RGS12: variants seen among roughly 807,000 people sequenced by gnomAD.
The protein encoded by RGS12 is regulator of G protein signaling 12.
In RGS12, 66 loss-of-function variants were observed where a neutral mutation model predicts 120.1. That is an observed-to-expected ratio of 0.55 (90% CI 0.45 to 0.67). The LOEUF (loss-of-function observed/expected upper bound fraction) is 0.67, where lower values mean the gene tolerates loss of function less well. RGS12 is among the 30% of genes least tolerant of loss of function. The probability of loss-of-function intolerance (pLI) is 0.00; values close to 1 mark genes in which losing one functional copy is unlikely to be tolerated. For synonymous variants in RGS12, 827 were observed against 804.7 expected, an observed-to-expected ratio of 1.03 and a Z score of -0.47; for missense variants, 1,859 against 1,957.7, an observed-to-expected ratio of 0.95 and a Z score of 0.95.
In RGS12 at chr4:3,343,119, G is replaced by A. The variant is rs534680199; in HGVS notation, c.1998+66G>A. 3.2e-5 allele frequency: 37 copies of A among 1,168,162 alleles called. No homozygotes were observed. The East Asian group carries it at 7.7e-4, about 24-fold the overall frequency. The allele number at this position is 1,168,162 out of a possible 1,614,324, so 72.4% of individuals were successfully genotyped here. A position where few individuals can be genotyped will look rare whatever the true frequency, so the allele number is the denominator to read the frequency against. On this transcript the variant is annotated intron_variant, in intron 3 of 17. Transcript: ENST00000336727. ...TTAAAAAATGCAAGTCCACCTTGCA[G>A]ATACGTCTGGCTGTTTTTTGAGTCC...
In RGS12 at chr4:3,414,150, G is replaced by C. The variant is rs778947367; in HGVS notation, c.2099G>C (p.Ser700Thr). 1.3e-6 allele frequency: 2 copies of C among 1,562,758 alleles called. No homozygotes were observed. The highest frequency in any genetic ancestry group is 1.3e-5 in the African/African-American group (1 of 74,220). ...SSNASLPSVQ[S>T]CRRLRERRVA... ...AATGCCAGCCTCCCCAGCGTGCAGAGCTGCCGGCGCCTGCGTGAGAGGAGG... is the reference window on the plus strand; with the variant it reads ...AATGCCAGCCTCCCCAGCGTGCAGACCTGCCGGCGCCTGCGTGAGAGGAGG... The change falls in exon 5 of 18, where the codon AGC (serine) becomes ACC (threonine). Residue 700 changes from serine (S) to threonine (T), a missense_variant. Physicochemically the swap from Ser to Thr is moderately conservative, Grantham distance 58 (BLOSUM62 1). Around this residue, in one of 3 missense-constraint regions of RGS12, gnomAD observed 967 missense variants for 994.2 expected, o/e 0.97. Coordinates refer to ENST00000336727, the MANE Select transcript of RGS12 (RefSeq NM_001394154.1).
intron 6 of RGS12, among the ~76,000 whole-genome samples, 200 bp downstream of exon 6, chr4:3,415,044 A>G (rs538131736): frequency 2.2e-4 from 21 of 96,996 alleles, no homozygotes; most frequent in African/African-American, 7.2e-4. Context: ...GGGACGTGTG[A>G]GAGGGCCACC....
chr4:3,291,598 C>T (rs1017153997), upstream of RGS12, among the ~76,000 whole-genome samples: 3 of 152,232 alleles, frequency 2.0e-5, no homozygotes, highest in African/African-American at 4.8e-5. Flanking sequence ...CTGTCCGCCT[C>T]AGCCTCTCAA....
chr4:3,347,159 T>C (rs973276483), intron 3 of RGS12, among the ~76,000 whole-genome samples: 3 of 152,202 alleles, frequency 2.0e-5, no homozygotes, highest in Non-Finnish European at 4.4e-5. Flanking sequence ...AAAGATAACG[T>C]TCTGGCCAGG....
intron 17 of RGS12, among the ~76,000 whole-genome samples, chr4:3,435,956 A>C (rs1724766858): frequency 1.0e-5 from 1 of 99,602 alleles, no homozygotes. Context: ...AGTCACCCCC[A>C]CTCCCCTATT....
chr4:3,409,543 G>A (rs1182223059), intron 4 of RGS12, among the ~76,000 whole-genome samples: 2 of 152,200 alleles, frequency 1.3e-5, no homozygotes, highest in Non-Finnish European at 2.9e-5. Flanking sequence ...GCAGCCCTGT[G>A]GGTAGCTGGT....
Position 3,359,629 on chromosome 4 carries a change from T to TC in RGS12, c.1998+16576_1998+16577insC, listed in dbSNP as rs201746513. On this transcript the variant is annotated intron_variant, in intron 3 of 17. Transcript: ENST00000336727. ...TTTCTAGTTCTTTTTTCTTTTCTTT[T>TC]TTTTTTTTTTTGAGGCAGTGTCTTA... is the stretch of plus-strand genomic sequence containing the variant. 4.2e-4 allele frequency among the ~76,000 whole-genome samples: 58 copies of TC among 138,486 alleles called. 1 individual carries two copies. The highest frequency in any genetic ancestry group is 1.8e-3 in the African/African-American group (57 of 32,562). The allele number at this position is 138,486 out of a possible 152,430, so 90.9% of individuals were successfully genotyped here.
chr4:3,323,250 T>C (rs903430633), intron 2 of RGS12, among the ~76,000 whole-genome samples: 1 of 152,234 alleles, frequency 6.6e-6, no homozygotes, highest in Non-Finnish European at 1.5e-5. Flanking sequence ...TTTCTTGCGG[T>C]GCAGTGTGTT....
chr4:3,337,897 A>C (rs1249474664), intron 2 of RGS12, among the ~76,000 whole-genome samples: 2 of 152,202 alleles, frequency 1.3e-5, no homozygotes, highest in Admixed American at 6.5e-5. Context: ...ACGGCAGTGC[A>C]GTAGTACAGC....
At position 3,431,071 on chromosome 4, in the gene RGS12, C is replaced by T; in HGVS notation, c.4114+116C>T. ...ACTGTTTGCTGGTGGTCTCCGTGAC[C>T]CCCTCCTCACCTGCTGGTTGGGGGC... On this transcript the variant is annotated intron_variant, in intron 17 of 17. Transcript: ENST00000336727. 2.0e-6 allele frequency: 3 copies of T among 1,465,560 alleles called. No individual in the cohort carries two copies. In the South Asian group the frequency reaches 4.2e-5, roughly 21 times the overall value. 90.8% of individuals were successfully genotyped at this position (1,465,560 alleles called of 1,614,324 possible).
rs1724561600 is a variant in RGS12 at position 3,433,762 on chromosome 4, A to T, written c.4114+2807A>T. 6.7e-6 allele frequency among the ~76,000 whole-genome samples: 1 copy of T among 149,066 alleles called. No homozygotes were observed. The highest frequency in any genetic ancestry group is 2.5e-5 in the African/African-American group (1 of 39,978). On this transcript the variant is annotated intron_variant, in intron 17 of 17. Coordinates refer to ENST00000336727, the MANE Select transcript of RGS12 (RefSeq NM_001394154.1). The surrounding 1 kb of genome is among the most constrained non-coding windows in gnomAD (Gnocchi z 4.4). ...GCCCCAGCGCCACACGCCACGCGGC[A>T]CTCCACCCCGTCTGTCTAGCCCCAG... is the stretch of plus-strand genomic sequence containing the variant.
chr4:3,384,886 C>T (rs1266028255), intron 3 of RGS12, among the ~76,000 whole-genome samples: 3 of 152,210 alleles, frequency 2.0e-5, no homozygotes, highest in Non-Finnish European at 2.9e-5. Flanking sequence ...CAGGCTGCGT[C>T]GGGGCATGGT....
chr4:3,362,512 CAG>C (rs1452294699), intron 3 of RGS12, among the ~76,000 whole-genome samples: 2 of 50,546 alleles, frequency 4.0e-5, no homozygotes, highest in African/African-American at 1.6e-4. Context: ...GTGCGAGGAT[CAG>C]TGTGTGTGAG....
intron 3 of RGS12, among the ~76,000 whole-genome samples, chr4:3,349,658 A>C (rs1339856224): frequency 1.3e-5 from 2 of 152,170 alleles, no homozygotes; most frequent in South Asian, 2.1e-4. Context: ...TAAGAACTTT[A>C]ACTCTTAGTA....
In RGS12 at chr4:3,374,214, T is replaced by TC. The variant is rs1395842847; in HGVS notation, c.1999-12200dup. Among the ~76,000 whole-genome samples the TC allele has an allele frequency of 6.6e-6, 1 of 152,242 alleles. No homozygotes were observed. The highest frequency in any genetic ancestry group is 1.5e-5 in the Non-Finnish European group (1 of 68,036). On this transcript the variant is annotated intron_variant, in intron 3 of 17. Transcript: ENST00000336727. The surrounding 1 kb of genome is among the most constrained non-coding windows in gnomAD (Gnocchi z 6.3). ...ACGCATGATGCAGGGACCCCGGCCC[T>TC]CCGCAGACAGCAGGAGCTGCCGAGC... is the stretch of plus-strand genomic sequence containing the variant.
chr4:3,298,150 G>A (rs7690736), intron 1 of RGS12, among the ~76,000 whole-genome samples: 3,320 of 152,258 alleles, frequency 0.022, 129 homozygotes, highest in African/African-American at 0.075. Context: ...TGAGAAGCCC[G>A]ATAATGGCAT....
At chr4:3,295,601 G>A (rs1476145160) in intron 1 of RGS12, among the ~76,000 whole-genome samples, 14 of 150,810 alleles carry the variant, frequency 9.3e-5, no homozygotes, top group African/African-American at 2.7e-4. Context: ...CGGAGGTTGC[G>A]GTGAGCCAAG....
chr4:3,417,719 C>A, intron 9 of RGS12, 178 bp downstream of exon 9: 1 of 647,192 alleles, frequency 1.5e-6, no homozygotes, highest in Non-Finnish European at 2.6e-6. Flanking sequence ...GGGACACGAC[C>A]TGTCAGCCAG....
chr4:3,417,615 G>C, intron 9 of RGS12, 74 bp downstream of exon 9: 1 of 1,538,722 alleles, frequency 6.5e-7, no homozygotes, highest in Non-Finnish European at 8.9e-7. Context: ...CGCTCTGGTG[G>C]TTGGCGGTGA....
Sources: gnomAD v4.1 joint callset for allele counts (sites outside exome capture counted in the v4.1 genomes callset) on GRCh38, gnomAD v4.1.1 for gene constraint, gnomAD v4.1.1 regional missense constraint, Gnocchi (gnomAD v3.1) non-coding constraint, MANE v1.5 for transcripts, NCBI Gene and HGNC (gene_info 2026-07-23, HGNC 2026-07-21) for gene names.